LDLRAD4: variants seen among roughly 807,000 people sequenced by gnomAD.
LDLRAD4 encodes the protein low-density lipoprotein receptor class A domain-containing protein 4.
In LDLRAD4, 5 loss-of-function variants were observed where a neutral mutation model predicts 17.0. The observed-to-expected ratio is 0.29, with a 90% CI of 0.15 to 0.62. The LOEUF (loss-of-function observed/expected upper bound fraction) is 0.62, where lower values mean the gene tolerates loss of function less well. Ranked by LOEUF, LDLRAD4 falls within the 20% of genes least tolerant of loss-of-function variation. The pLI, the probability that LDLRAD4 is intolerant of heterozygous loss-of-function variation, is 0.84. For synonymous variants in LDLRAD4, 168 were observed against 171.8 expected (o/e 0.98, Z 0.17); for missense variants, 340 against 424.7 (o/e 0.80, Z 1.75).
chr18:13,314,886 CTAT>C (rs1226417115), intron 1 of LDLRAD4, among the ~76,000 whole-genome samples: 3 of 152,112 alleles, frequency 2.0e-5, no homozygotes, highest in African/African-American at 2.4e-5. Context: ...GAAGGGAAAG[CTAT>C]TATTATTATT....
chr18:13,506,571 A>G (rs1195415487), intron 3 of LDLRAD4, among the ~76,000 whole-genome samples: 1 of 152,136 alleles, frequency 6.6e-6, no homozygotes, highest in Non-Finnish European at 1.5e-5. Context: ...CATTCTGTAC[A>G]TGAAAAACAG....
At chr18:13,464,786 C>G (rs901528645) in intron 3 of LDLRAD4, among the ~76,000 whole-genome samples, 1 of 121,124 alleles carries the variant, frequency 8.3e-6, no homozygotes, top group Non-Finnish European at 1.7e-5. Flanking sequence ...TCAGCCCCCA[C>G]CCCCACCCCC....
chr18:13,256,190 ATTATAT>A (rs1437490980), intron 1 of LDLRAD4, among the ~76,000 whole-genome samples: 1 of 152,190 alleles, frequency 6.6e-6, no homozygotes, highest in Non-Finnish European at 1.5e-5. Context: ...TGAGACAGTG[ATTATAT>A]ATGTTGGCAG....
At chr18:13,323,305 A>G (rs2081353564) in intron 1 of LDLRAD4, among the ~76,000 whole-genome samples, 1 of 152,266 alleles carries the variant, frequency 6.6e-6, no homozygotes, top group Admixed American at 6.5e-5. Context: ...TGGCTGCAGC[A>G]TGTCACGCAT....
chr18:13,234,630 C>T (rs9952516), intron 1 of LDLRAD4, among the ~76,000 whole-genome samples: 66,771 of 151,868 alleles, frequency 0.44, 14,932 homozygotes, highest in African/African-American at 0.5. Flanking sequence ...CCTGAGCCTC[C>T]GTGGGTTGGG....
At chr18:13,220,901 T>G (rs975138267) in intron 1 of LDLRAD4, among the ~76,000 whole-genome samples, 17 of 152,230 alleles carry the variant, frequency 1.1e-4, no homozygotes, top group African/African-American at 3.9e-4. Context: ...CGTCTCTGCA[T>G]GTAGCCAGCA....
intron 1 of LDLRAD4, among the ~76,000 whole-genome samples, chr18:13,307,620 T>C (rs1363025065): frequency 6.6e-6 from 1 of 152,132 alleles, no homozygotes; most frequent in African/African-American, 2.4e-5. Flanking sequence ...GGTCTCACTA[T>C]GTTGCCCAAG....
At chr18:13,272,544 C>G (rs186690241) in intron 1 of LDLRAD4, among the ~76,000 whole-genome samples, 1 of 152,256 alleles carries the variant, frequency 6.6e-6, no homozygotes, top group South Asian at 2.1e-4. Context: ...GCCTCTGTCT[C>G]GCTCCTCCTG....
intron 3 of LDLRAD4, among the ~76,000 whole-genome samples, chr18:13,558,365 A>G (rs1036080667): frequency 1.4e-4 from 21 of 152,178 alleles, no homozygotes; most frequent in African/African-American, 4.8e-4. Flanking sequence ...CAGTTCCCCT[A>G]TTCGTACCCG....
At chr18:13,230,935 C>G (rs1297725349) in intron 1 of LDLRAD4, among the ~76,000 whole-genome samples, 2 of 152,220 alleles carry the variant, frequency 1.3e-5, no homozygotes, top group Non-Finnish European at 2.9e-5. Flanking sequence ...GTTGATAGGA[C>G]TGCTTTATTT....
chr18:13,450,451 T>A (rs1210853707), intron 3 of LDLRAD4, among the ~76,000 whole-genome samples: 1 of 151,512 alleles, frequency 6.6e-6, no homozygotes, highest in African/African-American at 2.4e-5. Context: ...AGAGAAAACA[T>A]GTTTGGGGTA....
intron 2 of LDLRAD4, among the ~76,000 whole-genome samples, chr18:13,390,276 C>A (rs1428734268): frequency 6.6e-6 from 1 of 152,248 alleles, no homozygotes; most frequent in Non-Finnish European, 1.5e-5. Flanking sequence ...GCCACAGCCG[C>A]CGTTTTGGAG....
chr18:13,279,738 G>T (rs1297964431), intron 1 of LDLRAD4: 1 of 152,200 alleles, frequency 6.6e-6, no homozygotes, highest in African/African-American at 2.4e-5. Context: ...GAGCTACGTT[G>T]CTTCTCCTGA....
At chr18:13,580,604 A>G (rs968900951) in intron 3 of LDLRAD4, among the ~76,000 whole-genome samples, 1 of 152,052 alleles carries the variant, frequency 6.6e-6, no homozygotes, top group African/African-American at 2.4e-5. Context: ...AGGCGATGGC[A>G]CGGTGGCCAC....
At chr18:13,323,364 G>C (rs2081355840) in intron 1 of LDLRAD4, among the ~76,000 whole-genome samples, 1 of 152,246 alleles carries the variant, frequency 6.6e-6, no homozygotes, top group African/African-American at 2.4e-5. Context: ...CTGAAAGTGA[G>C]CTCTCGTGCT....
intron 1 of LDLRAD4, among the ~76,000 whole-genome samples, chr18:13,359,411 G>A (rs959221069): frequency 8.5e-5 from 13 of 152,118 alleles, no homozygotes; most frequent in East Asian, 5.8e-4. Context: ...ACCTCAAGCC[G>A]TGGTCAGAAG....
chr18:13,258,917 T>C (rs2043650770), intron 1 of LDLRAD4, among the ~76,000 whole-genome samples: 1 of 152,224 alleles, frequency 6.6e-6, no homozygotes, highest in Non-Finnish European at 1.5e-5. Context: ...GTCATGATTT[T>C]AATCCAGAAT....
chr18:13,473,700 T>C (rs1476555054), intron 3 of LDLRAD4, among the ~76,000 whole-genome samples: 9 of 143,668 alleles, frequency 6.3e-5, no homozygotes, highest in Non-Finnish European at 1.2e-4. Context: ...TTTATATATA[T>C]TTATAATATA....
chr18:13,387,555 G>T lies in LDLRAD4; in HGVS notation c.-168G>T, dbSNP rs372959054. 166 of 626,088 alleles carry T rather than the reference G, an allele frequency of 2.7e-4. 1 individual carries two copies. The highest frequency in any genetic ancestry group is 4.4e-4 in the Middle Eastern group (1 of 2,266). The allele number at this position is 626,088 out of a possible 1,614,324, so 38.8% of individuals were successfully genotyped here. ...CGCCCAGGTGCCACACCCAGGTACC[G>T]CCCGCCCGCGCGAGAGCCGGGCAGG... On this transcript the variant is annotated 5_prime_UTR_variant, in exon 2 of 6. Transcript: ENST00000359446.
Sources: allele counts gnomAD v4.1 joint callset (sites outside exome capture counted in the v4.1 genomes callset), GRCh38; gene constraint gnomAD v4.1.1; transcripts MANE v1.5; gene names NCBI Gene and HGNC (gene_info 2026-07-23, HGNC 2026-07-21).